Variants in TMEM63B observed in about 807,000 individuals in gnomAD.
TMEM63B encodes the protein mechanosensitive cation channel TMEM63B.
TMEM63B carries 23 observed loss-of-function variants against 102.6 expected under a neutral mutation model. The observed-to-expected ratio is 0.22, with a 90% CI of 0.16 to 0.32. TMEM63B has a LOEUF of 0.32. Ranked by LOEUF, TMEM63B falls within the 10% of genes least tolerant of loss-of-function variation. The pLI is 1.00. For missense variants in TMEM63B, 628 were observed against 1,095.9 expected (o/e 0.57, Z 6.03); for synonymous variants, 444 against 437.0 (o/e 1.02, Z -0.20).
Position 44,155,220 on chromosome 6 carries a change from T to G in TMEM63B, c.*337T>G. On this transcript the variant is annotated 3_prime_UTR_variant, in exon 24 of 24. Coordinates refer to ENST00000323267, the MANE Select transcript of TMEM63B (RefSeq NM_018426.3). ...GAGTACCTGGTGCACCTGGTGCCGG[T>G]GGCTGGAGACCTGGGGGGCAGGTGG... 6.0e-6 allele frequency: 1 copy of G among 167,462 alleles called. No homozygotes were observed. The highest frequency in any genetic ancestry group is 1.3e-5 in the Non-Finnish European group (1 of 78,604). The allele number at this position is 167,462 out of a possible 1,614,324, so 10.4% of individuals were successfully genotyped here. A position where few individuals can be genotyped will look rare whatever the true frequency, so the allele number is the denominator to read the frequency against.
At chr6:44,132,339 G>C in intron 1 of TMEM63B, 1 of 985,394 alleles carries the variant, frequency 1.0e-6, no homozygotes, top group Non-Finnish European at 1.2e-6. Flanking sequence ...CCCTGCTGGG[G>C]CCACTTCATG....
intron 10 of TMEM63B, among the ~76,000 whole-genome samples, chr6:44,145,276 A>G (rs1328261548): frequency 4.3e-5 from 5 of 116,790 alleles, no homozygotes; most frequent in Admixed American, 1.7e-4. Context: ...CTCCGCCTCA[A>G]AAAAAAAAAA....
At chr6:44,140,175 C>A in intron 8 of TMEM63B, 77 bp from the exon 9 acceptor site, 2 of 1,178,420 alleles carry the variant, frequency 1.7e-6, no homozygotes, top group Non-Finnish European at 2.5e-6. Flanking sequence ...AAGGGTTTAA[C>A]ACTGACAGGC....
intron 5 of TMEM63B, among the ~76,000 whole-genome samples, chr6:44,137,254 A>G (rs965577560): frequency 6.6e-6 from 1 of 152,120 alleles, no homozygotes; most frequent in Admixed American, 6.5e-5. Flanking sequence ...TTCATATCAG[A>G]CCTAACACAC....
intron 6 of TMEM63B, chr6:44,138,880 A>G: frequency 3.2e-6 from 1 of 310,888 alleles, no homozygotes. Flanking sequence ...AGATCCAGCC[A>G]GAGTCCAGCA....
chr6:44,131,704 C>T (rs574098192), intron 1 of TMEM63B, among the ~76,000 whole-genome samples: 2 of 151,476 alleles, frequency 1.3e-5, no homozygotes, highest in African/African-American at 4.9e-5. Context: ...GGTGACAGAG[C>T]GAGACTCCGT....
At position 44,154,059 on chromosome 6, in the gene TMEM63B, C is replaced by T. The variant is rs773314481; in HGVS notation, c.2111-14C>T. ...CAGGAGATAGCAACCCCATTCTTTGCCCCCCAACACCAGGGTTCCTAGCTC... is the reference window on the plus strand; with the variant it reads ...CAGGAGATAGCAACCCCATTCTTTGTCCCCCAACACCAGGGTTCCTAGCTC... On this transcript the variant is annotated splice_polypyrimidine_tract_variant and intron_variant, in intron 21 of 23. Transcript: ENST00000323267. 1.9e-6 allele frequency: 3 copies of T among 1,611,510 alleles called. No homozygotes were observed. The highest frequency in any genetic ancestry group is 2.2e-5 in the East Asian group (1 of 44,868).
chr6:44,132,436 C>A, intron 1 of TMEM63B: 1 of 647,844 alleles, frequency 1.5e-6, no homozygotes, highest in Non-Finnish European at 1.9e-6. Context: ...GTTCTCATTT[C>A]ATTCTGATCT....
At chr6:44,133,544 G>A (rs1762348379) in intron 1 of TMEM63B, among the ~76,000 whole-genome samples, 1 of 152,176 alleles carries the variant, frequency 6.6e-6, no homozygotes, top group South Asian at 2.1e-4. Context: ...ATCTGTTGAG[G>A]CCACACTTCT....
chr6:44,154,060 C>A lies in TMEM63B; in HGVS notation c.2111-13C>A, dbSNP rs760625861. ...AGGAGATAGCAACCCCATTCTTTGC[C>A]CCCCAACACCAGGGTTCCTAGCTCC... On this transcript the variant is annotated splice_polypyrimidine_tract_variant and intron_variant, in intron 21 of 23. Coordinates refer to ENST00000323267, the MANE Select transcript of TMEM63B (RefSeq NM_018426.3). 4 of 1,612,534 alleles carry A rather than the reference C, an allele frequency of 2.5e-6. No homozygotes were observed. The Admixed American group carries it at 5.0e-5, about 20-fold the overall frequency.
rs1018073235 is a variant in TMEM63B, at chr6:44,139,120, C to T, written c.408-347C>T. Among the ~76,000 whole-genome samples the T allele has an allele frequency of 6.6e-5, 10 of 152,178 alleles. No homozygotes were observed. In the South Asian group the frequency reaches 2.1e-3, roughly 31 times the overall value. The stretch of plus-strand genomic sequence containing the variant: ...TGCCTTCCTCCCTCCTCAGATATTT[C>T]TCTTTTTTCTTCCCTTTTCTCTGCA... On this transcript the variant is annotated intron_variant, in intron 6 of 23. Transcript: ENST00000323267.
rs1010256254 is a variant in TMEM63B at position 44,141,090 on chromosome 6, G to A, written c.774G>A (p.Lys258=). 8.7e-6 allele frequency: 14 copies of A among 1,613,814 alleles called. No individual in the cohort carries two copies. The highest frequency in any genetic ancestry group is 1.2e-5 in the Non-Finnish European group (14 of 1,179,956). ...ATGCAGAGTCAGAAAAGATCAAGAA[G>A]CATTTTGAGTGAGTAAGCCACGCTT... ...SKYAESEKIK[K]HFEEAYPNCT... The change falls in exon 10 of 24, where the codon AAG becomes AAA. Residue 258 remains lysine (K), a synonymous_variant. Coordinates refer to ENST00000323267, the MANE Select transcript of TMEM63B (RefSeq NM_018426.3).
intron 5 of TMEM63B, among the ~76,000 whole-genome samples, chr6:44,137,153 C>T (rs914434023): frequency 5.9e-5 from 9 of 152,210 alleles, no homozygotes; most frequent in African/African-American, 1.2e-4. Flanking sequence ...CATGTGGGGC[C>T]GGTTGACCTG....
At chr6:44,132,619 A>G (rs1193498254) in intron 1 of TMEM63B, among the ~76,000 whole-genome samples, 1 of 152,102 alleles carries the variant, frequency 6.6e-6, no homozygotes, top group African/African-American at 2.4e-5. Context: ...GGTTCTGTGC[A>G]TCTTATGTTT....
intron 15 of TMEM63B, 21 bp from the exon 16 acceptor site, chr6:44,149,837 GC>G (rs781198366): frequency 6.3e-7 from 1 of 1,590,698 alleles, no homozygotes; most frequent in Non-Finnish European, 8.6e-7. Flanking sequence ...CCTGCCTGAC[GC>G]CCCCCTGTGC....
At chr6:44,137,690 A>ATTTT (rs34749484) in intron 5 of TMEM63B, among the ~76,000 whole-genome samples, 4 of 143,834 alleles carry the variant, frequency 2.8e-5, no homozygotes, top group African/African-American at 7.7e-5. Flanking sequence ...GAGGGGAGAG[A>ATTTT]TTTTTTTTTT....
chr6:44,138,225 A>G, intron 5 of TMEM63B: 1 of 474,646 alleles, frequency 2.1e-6, no homozygotes, highest in Non-Finnish European at 3.8e-6. Context: ...ATTTGCAGAA[A>G]TCTGTAGATC....
intron 20 of TMEM63B, among the ~76,000 whole-genome samples, chr6:44,153,081 G>T (rs1457017203): frequency 2.6e-5 from 4 of 152,236 alleles, no homozygotes; most frequent in Non-Finnish European, 4.4e-5. Context: ...ACTCAGGAAA[G>T]ACTTGGATTC....
At chr6:44,139,176 T>C (rs1763717005) in intron 6 of TMEM63B, among the ~76,000 whole-genome samples, 1 of 152,180 alleles carries the variant, frequency 6.6e-6, no homozygotes, top group Non-Finnish European at 1.5e-5. Context: ...CCTTCCTGTC[T>C]CTGCAGTCTC....
Sources: gnomAD v4.1 joint callset for allele counts (sites outside exome capture counted in the v4.1 genomes callset) on GRCh38, gnomAD v4.1.1 for gene constraint, MANE v1.5 for transcripts, NCBI Gene and HGNC (gene_info 2026-07-23, HGNC 2026-07-21) for gene names.